The following EXOC3L2 variants were observed in gnomAD, a reference collection of about 807,000 sequenced individuals.
The protein encoded by EXOC3L2 is exocyst complex component 3-like protein 2.
EXOC3L2 carries 17 observed loss-of-function variants against 44.4 expected under a neutral mutation model. The ratio of observed to expected loss-of-function variants is 0.38; its 90% CI spans 0.26 to 0.57. EXOC3L2 has a LOEUF of 0.57. Among genes scored for constraint, EXOC3L2 ranks in the 20% least tolerant of loss-of-function variants. The pLI, the probability that EXOC3L2 is intolerant of heterozygous loss-of-function variation, is 0.65. For missense variants in EXOC3L2, 541 were observed against 588.4 expected (o/e 0.92, Z 0.83); for synonymous variants, 256 against 253.7 (o/e 1.01, Z -0.09).
At chr19:45,230,642 C>A (rs1970021289) in intron 4 of EXOC3L2, among the ~76,000 whole-genome samples, 1 of 152,144 alleles carries the variant, frequency 6.6e-6, no homozygotes, top group Non-Finnish European at 1.5e-5. Context: ...AGCCACCGCG[C>A]CCGGCCAAGG....
intron 8 of EXOC3L2, among the ~76,000 whole-genome samples, chr19:45,224,328 G>A (rs1969931320): frequency 6.6e-6 from 1 of 152,068 alleles, no homozygotes; most frequent in Non-Finnish European, 1.5e-5. Context: ...GAGAGAAGGG[G>A]AGTGTTCCAC....
intron 8 of EXOC3L2, among the ~76,000 whole-genome samples, chr19:45,218,994 T>C (rs892092201): frequency 1.3e-5 from 2 of 151,998 alleles, no homozygotes; most frequent in Non-Finnish European, 2.9e-5. Context: ...ATCCTAGCAC[T>C]TTGGAAGGCT....
intron 4 of EXOC3L2, among the ~76,000 whole-genome samples, chr19:45,228,496 G>T (rs1346868230): frequency 2.6e-5 from 4 of 152,134 alleles, no homozygotes; most frequent in African/African-American, 9.7e-5. Flanking sequence ...GTCTGGTTTG[G>T]CCAAGCGCGA....
At chr19:45,242,296 A>C (rs1050016828) in intron 1 of EXOC3L2, among the ~76,000 whole-genome samples, 2 of 151,886 alleles carry the variant, frequency 1.3e-5, no homozygotes, top group African/African-American at 4.8e-5. Context: ...ACAGGATCTC[A>C]CTCTGTTGCC....
intron 1 of EXOC3L2, among the ~76,000 whole-genome samples, chr19:45,240,219 C>G (rs564601761): frequency 7.6e-4 from 115 of 151,522 alleles, no homozygotes; most frequent in African/African-American, 2.7e-3. Flanking sequence ...ATCCTCGTAC[C>G]TCAGCCTCCT....
intron 11 of EXOC3L2, 148 bp downstream of exon 11, chr19:45,215,922 TTAA>T (rs1969828592): frequency 9.0e-7 from 1 of 1,112,294 alleles, no homozygotes; most frequent in African/African-American, 1.6e-5. Flanking sequence ...GGAAATCTTA[TTAA>T]TAATGCCCTG....
Position 45,228,233 on chromosome 19 carries a change from G to C in EXOC3L2, c.1303C>G (p.Gln435Glu). ...QTRAALLRVL[Q>E]EDEEHWGSLE... ...CTCCCCCAGTGCTCTTCGTCCTCCT[G>C]CAGCACACGGAGAAGGGCAGCCCGG... The change falls in exon 5 of 12, where the codon CAG (glutamine) becomes GAG (glutamate). Residue 435 changes from glutamine to glutamate, a missense_variant. Transcript: ENST00000413988. 2 of 1,614,048 alleles carry C rather than the reference G, an allele frequency of 1.2e-6. No homozygotes were observed. The highest frequency in any genetic ancestry group is 1.7e-6 in the Non-Finnish European group (2 of 1,180,014).
chr19:45,230,924 A>AT (rs750043401), intron 4 of EXOC3L2, among the ~76,000 whole-genome samples: 12,677 of 147,304 alleles, frequency 0.086, 638 homozygotes, highest in African/African-American at 0.15. Flanking sequence ...GTCTCTGCAA[A>AT]TTTTTTTTTT....
At position 45,227,788 on chromosome 19, in the gene EXOC3L2, G is replaced by T. The variant is rs201465315; in HGVS notation, c.1473-16C>A. The T allele has an allele frequency of 5.0e-6, 8 of 1,602,238 alleles. No homozygotes were observed. In the South Asian group the frequency reaches 9.0e-5, roughly 18 times the overall value. On this transcript the variant is annotated splice_polypyrimidine_tract_variant and intron_variant, in intron 6 of 11. Coordinates refer to ENST00000413988, the MANE Select transcript of EXOC3L2 (RefSeq NM_001382422.1). ...CTGCTGGAAGCTGGTGGGAGGAAAG[G>T]GGACAGATAGGGCGCCACTGGGTCA...
intron 3 of EXOC3L2, among the ~76,000 whole-genome samples, chr19:45,233,240 T>C (rs1970049177): frequency 6.6e-6 from 1 of 151,840 alleles, no homozygotes; most frequent in Non-Finnish European, 1.5e-5. Flanking sequence ...AATAAATAAA[T>C]AACGTCCTAA....
intron 1 of EXOC3L2, among the ~76,000 whole-genome samples, chr19:45,241,696 G>A (rs965599153): frequency 2.6e-5 from 4 of 152,032 alleles, no homozygotes; most frequent in Non-Finnish European, 5.9e-5. Context: ...CTACATAGAC[G>A]CCTGTTCTCC....
chr19:45,227,537 C>G (rs141492594), intron 7 of EXOC3L2, 125 bp downstream of exon 7: 1 of 693,054 alleles, frequency 1.4e-6, no homozygotes, highest in East Asian at 2.7e-5. Context: ...AGATTTTATG[C>G]GTCTAAGGTC....
chr19:45,224,764 C>T lies in EXOC3L2; in HGVS notation c.1719+14G>A. 1 of 1,548,168 alleles carries T rather than the reference C, an allele frequency of 6.5e-7. No homozygotes were observed. The highest frequency in any genetic ancestry group is 8.7e-7 in the Non-Finnish European group (1 of 1,145,272). ...CTGGCATGGGCCCCAACCCTGGCCT[C>T]CCACCTCACTCACCTGCAGCTCCTG... is the stretch of plus-strand genomic sequence containing the variant. On this transcript the variant is annotated intron_variant, in intron 8 of 11. Coordinates refer to ENST00000413988, the MANE Select transcript of EXOC3L2 (RefSeq NM_001382422.1).
rs141848499 is a variant in EXOC3L2, at chr19:45,225,024, G to C, written c.1584-111C>G. The C allele has an allele frequency of 3.6e-5, 47 of 1,293,666 alleles. 1 individual carries two copies. The Middle Eastern group carries it at 1.4e-3, about 39-fold the overall frequency. 80.1% of individuals were successfully genotyped at this position (1,293,666 alleles called of 1,614,324 possible). ...GGGGCACAGGGGTGACAGGTCAGAT[G>C]GGGGGCTGAGAAAGGTCAGGGACTC... On this transcript the variant is annotated intron_variant, in intron 7 of 11. Coordinates refer to ENST00000413988, the MANE Select transcript of EXOC3L2 (RefSeq NM_001382422.1).
chr19:45,239,150 A>G (rs1305894142), intron 1 of EXOC3L2, 89 bp from the exon 2 acceptor site: 15 of 395,214 alleles, frequency 3.8e-5, no homozygotes, highest in Middle Eastern at 6.2e-4. Flanking sequence ...CTTTGGGGTG[A>G]GCGTACCAGA....
At chr19:45,243,410 A>T (rs923744578) in intron 1 of EXOC3L2, among the ~76,000 whole-genome samples, 2 of 152,090 alleles carry the variant, frequency 1.3e-5, no homozygotes, top group Non-Finnish European at 2.9e-5. Context: ...CCTTTCCATG[A>T]TGGGGAGGCC....
chr19:45,238,728 G>C lies in EXOC3L2; in HGVS notation c.318C>G (p.Leu106=), dbSNP rs150538515. The stretch of plus-strand genomic sequence containing the variant: ...CTCGGGTCCCATGCAGCCGGGCCAG[G>C]AGGCCAAAATCTGCTGAGCTCCTGC... ...GIRRSSADFG[L]LARLHGTRAH... Residue 106 remains leucine, a synonymous_variant, in exon 2 of 12, where the codon CTC becomes CTG. Coordinates refer to ENST00000413988, the MANE Select transcript of EXOC3L2 (RefSeq NM_001382422.1). This position sits in a 1 kb window ranked among gnomAD's most constrained non-coding sequence, Gnocchi z 5.5. 1,890 of 398,948 alleles carry C rather than the reference G, an allele frequency of 4.7e-3. 36 individuals carry two copies. Among genetic ancestry groups the C allele is most frequent in the African/African-American group, 0.035 (1,730 of 48,744 alleles). 24.7% of individuals were successfully genotyped at this position (398,948 alleles called of 1,614,324 possible). A position where few individuals can be genotyped will look rare whatever the true frequency, so the allele number is the denominator to read the frequency against.
chr19:45,244,259 C>T (rs1970152418), intron 1 of EXOC3L2, among the ~76,000 whole-genome samples: 1 of 152,048 alleles, frequency 6.6e-6, no homozygotes, highest in Non-Finnish European at 1.5e-5. Context: ...CATCCACATG[C>T]CTCATCCCAA....
chr19:45,222,416 G>A (rs1969908123), intron 8 of EXOC3L2, among the ~76,000 whole-genome samples: 1 of 151,996 alleles, frequency 6.6e-6, no homozygotes, highest in African/African-American at 2.4e-5. Context: ...GGCCAGGCTG[G>A]TCTCAAACTC....
Sources: gnomAD v4.1 joint callset for allele counts (sites outside exome capture counted in the v4.1 genomes callset) on GRCh38, gnomAD v4.1.1 for gene constraint, Gnocchi (gnomAD v3.1) non-coding constraint, MANE v1.5 for transcripts, NCBI Gene and HGNC (gene_info 2026-07-23, HGNC 2026-07-21) for gene names.